Variants in CLDN16 observed in about 807,000 individuals in gnomAD.
CLDN16 encodes claudin-16.
A neutral mutation model predicts 24.6 loss-of-function variants in CLDN16; 13 were observed. The observed-to-expected ratio is 0.53, with a 90% confidence interval of 0.34 to 0.84. The LOEUF (loss-of-function observed/expected upper bound fraction) is 0.84, where lower values mean the gene tolerates loss of function less well. CLDN16 is among the 40% of genes least tolerant of loss of function. The pLI, the probability that CLDN16 is intolerant of heterozygous loss-of-function variation, is 0.01. For missense variants in CLDN16, 298 were observed against 292.7 expected (o/e 1.02, Z -0.13); for synonymous variants, 116 against 106.7 (o/e 1.09, Z -0.54).
the CLDN16 span, among the ~76,000 whole-genome samples, chr3:190,303,269 T>A: frequency 6.6e-6 from 1 of 152,218 alleles, no homozygotes; most frequent in Non-Finnish European, 1.5e-5. Context: ...CCAGATCACC[T>A]ATAGGCTGTT....
chr3:190,327,723 A>G lies in CLDN16; in HGVS notation n.121+5062A>G, dbSNP rs540258047. 2.2e-4 allele frequency among the ~76,000 whole-genome samples: 33 copies of G among 152,282 alleles called. 1 individual carries two copies. The South Asian group carries it at 6.8e-3, about 32-fold the overall frequency. ...AGTTACAACTACCTAGTACAGTGATACCCAAAGACTGCATCCTCATCAGGC... is the reference window on the plus strand; with the variant it reads ...AGTTACAACTACCTAGTACAGTGATGCCCAAAGACTGCATCCTCATCAGGC... On this transcript the variant is annotated intron_variant and non_coding_transcript_variant, in intron 1 of 4. Transcript: ENST00000468220.
At position 190,410,119 on chromosome 3, in the gene CLDN16, C is replaced by A; in HGVS notation, c.*83C>A. ...ATAAAATAGTAAGTCAATCCAGGAA[C>A]AGTTATTTAGAATTCATATTGAATT... On this transcript the variant is annotated 3_prime_UTR_variant, in exon 5 of 5. Transcript: ENST00000264734. The A allele has an allele frequency of 1.4e-6, 2 of 1,450,138 alleles. No homozygotes were observed. Among genetic ancestry groups the A allele is most frequent in the South Asian group, 2.3e-5 (2 of 87,436 alleles). The allele number at this position is 1,450,138 out of a possible 1,614,324, so 89.8% of individuals were successfully genotyped here. A position where few individuals can be genotyped will look rare whatever the true frequency, so the allele number is the denominator to read the frequency against.
chr3:190,347,566 A>C (rs957903685), intron 1 of CLDN16, among the ~76,000 whole-genome samples: 4 of 152,238 alleles, frequency 2.6e-5, no homozygotes, highest in African/African-American at 9.6e-5. Flanking sequence ...TATCTTAGGT[A>C]TCAAGGACAC....
chr3:190,317,892 C>T (rs2108612770), upstream of CLDN16, among the ~76,000 whole-genome samples: 1 of 152,292 alleles, frequency 6.6e-6, no homozygotes, highest in South Asian at 2.1e-4. Flanking sequence ...CTGCAGATTC[C>T]AATTCTCCCT....
chr3:190,324,917 C>T (rs1355726010), intron 1 of CLDN16, among the ~76,000 whole-genome samples: 1 of 152,162 alleles, frequency 6.6e-6, no homozygotes, highest in Non-Finnish European at 1.5e-5. Flanking sequence ...GCACTGAGAC[C>T]AAGAAGGCTC....
At position 190,402,331 on chromosome 3, in the gene CLDN16, A is replaced by C. The variant is rs1374726787; in HGVS notation, c.115-6A>C. 19 of 1,610,528 alleles carry C rather than the reference A, an allele frequency of 1.2e-5. No individual in the cohort carries two copies. In the Admixed American group the frequency reaches 3.2e-4, roughly 27 times the overall value. ...TGTTTCACACGGTGTCTTCTCTAAC[A>C]TCTAGGTGAGCACAAAATGCCGAGG... On this transcript the variant is annotated splice_region_variant and splice_polypyrimidine_tract_variant and intron_variant, in intron 1 of 4. Transcript: ENST00000264734.
intron 1 of CLDN16, among the ~76,000 whole-genome samples, chr3:190,332,190 T>C (rs1717194842): frequency 6.6e-6 from 1 of 152,204 alleles, no homozygotes; most frequent in Admixed American, 6.5e-5. Context: ...AGGTTATTAT[T>C]CTACCTACCA....
chr3:190,339,727 C>T (rs756822350), intron 1 of CLDN16, among the ~76,000 whole-genome samples: 1 of 151,986 alleles, frequency 6.6e-6, no homozygotes, highest in Admixed American at 6.5e-5. Flanking sequence ...ATTGTTTTAC[C>T]ACATATGTAA....
intron 1 of CLDN16, among the ~76,000 whole-genome samples, chr3:190,338,964 G>T (rs58806135): frequency 0.069 from 10,452 of 152,192 alleles, 556 homozygotes; most frequent in African/African-American, 0.14. Flanking sequence ...GTCCTCAGCT[G>T]ATTGAAGCTA....
rs1719244329 is a variant in CLDN16, at chr3:190,410,297, A to G, written c.*261A>G. On this transcript the variant is annotated 3_prime_UTR_variant, in exon 5 of 5. Coordinates refer to ENST00000264734, the MANE Select transcript of CLDN16 (RefSeq NM_006580.4). ...GATAAGTCTGCTAGGATGTAGAAATATTTGTTTGTGATTTCTATATAGCTA... is the reference window on the plus strand; with the variant it reads ...GATAAGTCTGCTAGGATGTAGAAATGTTTGTTTGTGATTTCTATATAGCTA... The G allele has an allele frequency of 2.2e-6, 1 of 452,796 alleles. No homozygotes were observed. Among genetic ancestry groups the G allele is most frequent in the Non-Finnish European group, 4.0e-6 (1 of 249,224 alleles). The allele number at this position is 452,796 out of a possible 1,614,324, so 28.0% of individuals were successfully genotyped here.
chr3:190,407,550 C>A (rs112013866), intron 3 of CLDN16, among the ~76,000 whole-genome samples: 5 of 152,286 alleles, frequency 3.3e-5, no homozygotes, highest in Admixed American at 2.0e-4. Flanking sequence ...CAACTCACCA[C>A]ATTTCTTATT....
the CLDN16 span, among the ~76,000 whole-genome samples, chr3:190,293,932 C>T: frequency 6.6e-6 from 1 of 152,144 alleles, no homozygotes; most frequent in Non-Finnish European, 1.5e-5. Context: ...TCCTATTAGA[C>T]ATTTTAGTGG....
At chr3:190,304,679 G>C in the CLDN16 span, among the ~76,000 whole-genome samples, 2 of 152,084 alleles carry the variant, frequency 1.3e-5, no homozygotes, top group African/African-American at 4.8e-5. Context: ...GGCAGGCTGG[G>C]GGTAAATGGG....
chr3:190,361,306 A>C lies in CLDN16; in HGVS notation n.122-9587A>C, dbSNP rs531540433. On this transcript the variant is annotated intron_variant and non_coding_transcript_variant, in intron 1 of 4. Transcript: ENST00000468220. ...CCTTAGTGAAAGTGCCTTTGCAAAA[A>C]CTGTAACTGAGGAAATTATGACAGT... is the stretch of plus-strand genomic sequence containing the variant. 7.9e-4 allele frequency among the ~76,000 whole-genome samples: 120 copies of C among 151,970 alleles called. 1 individual carries two copies. The highest frequency in any genetic ancestry group is 7.7e-3 in the Admixed American group (117 of 15,238).
chr3:190,366,277 A>T (rs1560088666), intron 1 of CLDN16, among the ~76,000 whole-genome samples: 1 of 151,964 alleles, frequency 6.6e-6, no homozygotes, highest in East Asian at 2.0e-4. Flanking sequence ...CCATCCATGT[A>T]TTACTTTCCA....
At chr3:190,315,423 G>A in the CLDN16 span, among the ~76,000 whole-genome samples, 1 of 152,114 alleles carries the variant, frequency 6.6e-6, no homozygotes, top group Admixed American at 6.5e-5. Context: ...GTGGGCAGAA[G>A]GCATATGTCA....
chr3:190,294,527 G>T, the CLDN16 span, among the ~76,000 whole-genome samples: 1 of 151,952 alleles, frequency 6.6e-6, no homozygotes, highest in African/African-American at 2.4e-5. Context: ...AATAAGGAGA[G>T]TTTTAAAAGC....
At chr3:190,355,372 C>T (rs1302225884) in intron 1 of CLDN16, among the ~76,000 whole-genome samples, 1 of 151,778 alleles carries the variant, frequency 6.6e-6, no homozygotes, top group African/African-American at 2.4e-5. Context: ...AATTATTGGC[C>T]TGTTAAAAAT....
chr3:190,389,115 T>G lies in CLDN16; in HGVS notation c.114+672T>G, dbSNP rs184476883. 1.7e-3 allele frequency among the ~76,000 whole-genome samples: 253 copies of G among 152,290 alleles called. 1 individual carries two copies. The highest frequency in any genetic ancestry group is 6.8e-3 in the Middle Eastern group (2 of 294). ...GAGTGAGTGGGTTCACATTTGAGGATTTTATTTTTCTCGCTGGAGAAGCTC... is the reference window on the plus strand; with the variant it reads ...GAGTGAGTGGGTTCACATTTGAGGAGTTTATTTTTCTCGCTGGAGAAGCTC... On this transcript the variant is annotated intron_variant, in intron 1 of 4. Transcript: ENST00000264734.
Sources: allele counts gnomAD v4.1 joint callset (sites outside exome capture counted in the v4.1 genomes callset), GRCh38; gene constraint gnomAD v4.1.1; transcripts MANE v1.5; gene names NCBI Gene and HGNC (gene_info 2026-07-23, HGNC 2026-07-21).